Variants in CPEB3 observed in about 807,000 individuals in gnomAD.
CPEB3 encodes the protein cytoplasmic polyadenylation element binding protein 3, also known as cytoplasmic polyadenylation element-binding protein 3.
A neutral mutation model predicts 67.2 loss-of-function variants in CPEB3; 20 were observed. That is an observed-to-expected ratio of 0.30 (90% CI 0.21 to 0.43). The LOEUF (loss-of-function observed/expected upper bound fraction) is 0.43. CPEB3 is among the 20% of genes least tolerant of loss of function. CPEB3 has a pLI of 1.00. For synonymous variants in CPEB3, 376 were observed against 393.1 expected (o/e 0.96, Z 0.51); for missense variants, 746 against 968.6 (o/e 0.77, Z 3.05).
chr10:92,080,323 A>G (rs924071464), intron 9 of CPEB3, among the ~76,000 whole-genome samples: 1 of 152,152 alleles, frequency 6.6e-6, no homozygotes, highest in South Asian at 2.1e-4. Context: ...AACAGTGGCA[A>G]AGCTGGGATT....
At chr10:92,121,624 C>T (rs1369675706) in intron 6 of CPEB3, among the ~76,000 whole-genome samples, 1 of 149,838 alleles carries the variant, frequency 6.7e-6, no homozygotes, top group Non-Finnish European at 1.5e-5. Context: ...TTCTTAAAAT[C>T]AACTAATACT....
At chr10:92,255,640 C>T (rs1243893177) in intron 1 of CPEB3, among the ~76,000 whole-genome samples, 1 of 152,138 alleles carries the variant, frequency 6.6e-6, no homozygotes, top group African/African-American at 2.4e-5. Flanking sequence ...CTATTAACAC[C>T]CTGAACAAAG....
In CPEB3 at chr10:92,250,686, C is replaced by T. The variant is rs1161477301; in HGVS notation, c.-11-10325G>A. Among the ~76,000 whole-genome samples, 3 of 151,236 alleles carry T rather than the reference C, an allele frequency of 2.0e-5. No individual in the cohort carries two copies. The East Asian group carries it at 5.8e-4, about 29-fold the overall frequency. ...TTTTTTAATATATGTATCCTTTATA[C>T]CATTTTTTGTTTGTTTGTTTTGAGA... On this transcript the variant is annotated intron_variant, in intron 1 of 9. Coordinates refer to ENST00000265997, the MANE Select transcript of CPEB3 (RefSeq NM_014912.5).
At chr10:92,182,517 G>C (rs1848501556) in intron 3 of CPEB3, among the ~76,000 whole-genome samples, 1 of 152,078 alleles carries the variant, frequency 6.6e-6, no homozygotes, top group African/African-American at 2.4e-5. Context: ...ATTTGTAAAA[G>C]GTCATTTCAT....
intron 4 of CPEB3, among the ~76,000 whole-genome samples, chr10:92,177,776 AG>A (rs1364906533): frequency 2.6e-5 from 4 of 152,206 alleles, no homozygotes; most frequent in Non-Finnish European, 5.9e-5. Context: ...GCTGGAAAGT[AG>A]TACTGAGAAG....
At position 92,240,675 on chromosome 10, in the gene CPEB3, T is replaced by C. The variant is rs138524990; in HGVS notation, c.-11-314A>G. Among the ~76,000 whole-genome samples, 324 of 152,258 alleles carry C rather than the reference T, an allele frequency of 2.1e-3. 3 individuals are homozygous for C. The highest frequency in any genetic ancestry group is 7.7e-3 in the African/African-American group (318 of 41,542). On this transcript the variant is annotated intron_variant, in intron 1 of 9. Transcript: ENST00000265997. ...GCAATTTCGCCACGTCTCTTTTCCC[T>C]TCACCGGAACTCAGAGCGTTCGCCC...
chr10:92,061,359 C>T (rs1370931177), intron 9 of CPEB3, among the ~76,000 whole-genome samples: 1 of 141,980 alleles, frequency 7.0e-6, no homozygotes, highest in African/African-American at 2.7e-5. Flanking sequence ...GTGGAGGTTG[C>T]AGTGAGCCAA....
chr10:92,057,764 G>A (rs749923767), intron 9 of CPEB3, among the ~76,000 whole-genome samples: 2 of 152,150 alleles, frequency 1.3e-5, no homozygotes, highest in African/African-American at 2.4e-5. Context: ...GAGACTGTTC[G>A]TTTGGGAAAG....
At position 92,052,196 on chromosome 10, in the gene CPEB3, T is replaced by C. The variant is rs779197891; in HGVS notation, c.*16A>G. 5.0e-6 allele frequency: 8 copies of C among 1,593,086 alleles called. No individual in the cohort carries two copies. In the South Asian group the frequency reaches 8.8e-5, roughly 18 times the overall value. The stretch of plus-strand genomic sequence containing the variant: ...TGTTATCTACTCCAGTACTTGTGGC[T>C]GGGTCGGCCCGTGGCTCAGCTCCAG... On this transcript the variant is annotated 3_prime_UTR_variant, in exon 10 of 10. Coordinates refer to ENST00000265997, the MANE Select transcript of CPEB3 (RefSeq NM_014912.5).
intron 1 of CPEB3, among the ~76,000 whole-genome samples, chr10:92,288,097 A>G (rs1333819411): frequency 6.6e-6 from 1 of 152,146 alleles, no homozygotes; most frequent in Non-Finnish European, 1.5e-5. Context: ...CTATTGTATG[A>G]TACACCACAT....
intron 6 of CPEB3, among the ~76,000 whole-genome samples, chr10:92,121,401 GAGAGAC>G (rs1326663814): frequency 1.5e-5 from 2 of 130,414 alleles, no homozygotes; most frequent in African/African-American, 6.0e-5. Context: ...ATATATAATA[GAGAGAC>G]AGCGCGTGAG....
chr10:92,177,582 A>G (rs1848279282), intron 4 of CPEB3, among the ~76,000 whole-genome samples: 1 of 152,150 alleles, frequency 6.6e-6, no homozygotes, highest in South Asian at 2.1e-4. Context: ...ATTTTTCCAC[A>G]CCCTAAATGT....
intron 2 of CPEB3, among the ~76,000 whole-genome samples, chr10:92,215,739 CTT>C (rs373522649): frequency 3.6e-4 from 36 of 99,922 alleles, no homozygotes; most frequent in South Asian, 7.2e-4. Context: ...TGGCGCCTGG[CTT>C]TTTTTTTTTT....
chr10:92,138,524 A>G (rs62993761), intron 6 of CPEB3, among the ~76,000 whole-genome samples: 56 of 142,240 alleles, frequency 3.9e-4, no homozygotes, highest in Middle Eastern at 3.8e-3. Context: ...AAAAAAAAAA[A>G]GGGAGGGTGA....
intron 7 of CPEB3, among the ~76,000 whole-genome samples, chr10:92,100,886 C>T (rs1428140215): frequency 3.3e-5 from 5 of 152,296 alleles, no homozygotes; most frequent in Admixed American, 2.0e-4. Context: ...CCACCGTGCC[C>T]GGCCAAGAAC....
At chr10:92,238,628 A>G (rs1055976523) in intron 2 of CPEB3, among the ~76,000 whole-genome samples, 47 of 19,018 alleles carry the variant, frequency 2.5e-3, no homozygotes, top group African/African-American at 0.024. Flanking sequence ...TTACCTCCGA[A>G]AAAAAAAAAA....
intron 1 of CPEB3, among the ~76,000 whole-genome samples, chr10:92,246,222 T>C (rs1167955591): frequency 6.6e-6 from 1 of 150,564 alleles, no homozygotes; most frequent in African/African-American, 2.5e-5. Context: ...TAGTCCTGGC[T>C]ACTCGGGAGG....
chr10:92,221,015 C>T (rs1218863040), intron 2 of CPEB3, among the ~76,000 whole-genome samples: 1 of 152,198 alleles, frequency 6.6e-6, no homozygotes, highest in East Asian at 1.9e-4. Flanking sequence ...ATTTTCCACT[C>T]CTTTCATTAG....
chr10:92,120,557 C>G (rs1021575301), intron 6 of CPEB3, among the ~76,000 whole-genome samples: 1 of 152,000 alleles, frequency 6.6e-6, no homozygotes, highest in Non-Finnish European at 1.5e-5. Context: ...GCACTCCACC[C>G]TGGGTGACAG....
Sources: gnomAD v4.1 joint callset for allele counts (sites outside exome capture counted in the v4.1 genomes callset) on GRCh38, gnomAD v4.1.1 for gene constraint, MANE v1.5 for transcripts, NCBI Gene and HGNC (gene_info 2026-07-23, HGNC 2026-07-21) for gene names.